ZFAND3: variants seen among roughly 807,000 people sequenced by gnomAD.
ZFAND3 encodes the protein zinc finger AN1-type containing 3.
ZFAND3 carries 10 observed loss-of-function variants against 29.6 expected under a neutral mutation model. The observed-to-expected ratio is 0.34, with a 90% confidence interval of 0.21 to 0.57. ZFAND3 has a LOEUF of 0.57. Among genes scored for constraint, ZFAND3 ranks in the 20% least tolerant of loss-of-function variants. The pLI is 0.86. For synonymous variants in ZFAND3, 128 were observed against 112.6 expected (o/e 1.14, Z -0.87); for missense variants, 230 against 304.5 (o/e 0.76, Z 1.82).
At chr6:37,974,978 A>G (rs763152593) in intron 2 of ZFAND3, among the ~76,000 whole-genome samples, 1 of 152,188 alleles carries the variant, frequency 6.6e-6, no homozygotes, top group African/African-American at 2.4e-5. Context: ...ATGGATGTAT[A>G]TTCCTTTGCT....
chr6:37,886,237 CAAAAAAAAAAAAAAAAAAAAAAAAAAAA>C (rs55661554), intron 1 of ZFAND3, among the ~76,000 whole-genome samples: 16 of 95,306 alleles, frequency 1.7e-4, no homozygotes, highest in Admixed American at 5.6e-4. Context: ...GACTCTGTCT[CAAAAAAAAAAAAAAAAAAAAAAAAAAAA>C]AAAAAAAAAA....
chr6:38,098,320 T>A (rs1286450143), intron 4 of ZFAND3, among the ~76,000 whole-genome samples: 1 of 152,172 alleles, frequency 6.6e-6, no homozygotes, highest in African/African-American at 2.4e-5. Flanking sequence ...CTAATTTTTG[T>A]ATTTTTAGTA....
At chr6:37,938,519 T>G (rs1372514436) in intron 2 of ZFAND3, among the ~76,000 whole-genome samples, 2 of 152,196 alleles carry the variant, frequency 1.3e-5, no homozygotes, top group Non-Finnish European at 2.9e-5. Flanking sequence ...TTTTCAGCAC[T>G]TGCTTGACTA....
intron 2 of ZFAND3, among the ~76,000 whole-genome samples, chr6:37,934,558 CCGGTGGCTCACGCCTGTAATCCCAGGACT>C (rs1761660750): frequency 6.7e-6 from 1 of 149,596 alleles, no homozygotes; most frequent in Non-Finnish European, 1.5e-5. Flanking sequence ...AAGTCCAGAC[CCGGTGGCTCACGCCTGTAATCCCAGGACT>C]TTGGGAGGCC....
chr6:38,110,544 G>A (rs1383860662), intron 4 of ZFAND3, among the ~76,000 whole-genome samples: 1 of 152,134 alleles, frequency 6.6e-6, no homozygotes, highest in African/African-American at 2.4e-5. Flanking sequence ...TTAAGTGGTC[G>A]AAGGAGAAAC....
intron 3 of ZFAND3, among the ~76,000 whole-genome samples, chr6:38,077,196 TAGG>T (rs1764571386): frequency 6.6e-6 from 1 of 151,324 alleles, no homozygotes; most frequent in African/African-American, 2.4e-5. Flanking sequence ...CAGGGAGGCT[TAGG>T]AGGAAAAAAA....
At chr6:38,124,999 A>G (rs1028358639) in intron 5 of ZFAND3, among the ~76,000 whole-genome samples, 4 of 152,220 alleles carry the variant, frequency 2.6e-5, no homozygotes, top group African/African-American at 7.2e-5. Flanking sequence ...ATTGGGATGT[A>G]TGTTACCTGT....
At chr6:38,032,543 A>G (rs1217948334) in intron 2 of ZFAND3, among the ~76,000 whole-genome samples, 1 of 152,256 alleles carries the variant, frequency 6.6e-6, no homozygotes, top group Non-Finnish European at 1.5e-5. Context: ...TAAAACTCTG[A>G]GCACCTACTT....
At chr6:38,092,509 A>G (rs1013139718) in intron 4 of ZFAND3, among the ~76,000 whole-genome samples, 2 of 152,216 alleles carry the variant, frequency 1.3e-5, no homozygotes, top group South Asian at 2.1e-4. Context: ...CTAATGTTGT[A>G]TTTTTCTTTT....
intron 1 of ZFAND3, among the ~76,000 whole-genome samples, chr6:37,861,378 G>T (rs897594874): frequency 6.6e-6 from 1 of 152,196 alleles, no homozygotes; most frequent in African/African-American, 2.4e-5. Flanking sequence ...GGACACTGAA[G>T]AAATGATGTG....
rs1762558259 is a variant in ZFAND3 at position 37,980,315 on chromosome 6, G to C, written c.112+50316G>C. On this transcript the variant is annotated intron_variant, in intron 2 of 5. Coordinates refer to ENST00000287218, the MANE Select transcript of ZFAND3 (RefSeq NM_021943.3). ...TGTTTTTAATGTACATTTTGTTTAA[G>C]GACCTTGTAGTAGCTGCTTTTGTGT... Among the ~76,000 whole-genome samples, 3 of 152,142 alleles carry C rather than the reference G, an allele frequency of 2.0e-5. 1 individual carries two copies. In the South Asian group the frequency reaches 6.2e-4, roughly 32 times the overall value.
At chr6:37,924,495 A>G (rs1761445796) in intron 1 of ZFAND3, among the ~76,000 whole-genome samples, 1 of 152,114 alleles carries the variant, frequency 6.6e-6, no homozygotes, top group Admixed American at 6.6e-5. Flanking sequence ...TGAGATATCA[A>G]AGAATGATGT....
chr6:38,131,997 A>G (rs1201635894), intron 5 of ZFAND3, among the ~76,000 whole-genome samples: 1 of 152,222 alleles, frequency 6.6e-6, no homozygotes, highest in African/African-American at 2.4e-5. Flanking sequence ...CTGAACGAAA[A>G]AGATCCAGAT....
At chr6:37,953,441 C>CTTTTTTT (rs35182018) in intron 2 of ZFAND3, among the ~76,000 whole-genome samples, 2 of 106,224 alleles carry the variant, frequency 1.9e-5, no homozygotes, top group East Asian at 2.4e-4. Flanking sequence ...GCATAATTAT[C>CTTTTTTT]TTTTTTTTTT....
At chr6:37,823,802 G>A (rs259720) in intron 1 of ZFAND3, among the ~76,000 whole-genome samples, 10 of 145,524 alleles carry the variant, frequency 6.9e-5, no homozygotes, top group Middle Eastern at 3.6e-3. Context: ...ATTTTTTTTT[G>A]GGGGGGGGTA....
intron 2 of ZFAND3, among the ~76,000 whole-genome samples, chr6:38,051,769 CCT>C (rs1474780201): frequency 6.6e-6 from 1 of 152,088 alleles, no homozygotes; most frequent in African/African-American, 2.4e-5. Context: ...AAAACTTCTC[CCT>C]GTGTTTTCAA....
chr6:38,106,566 C>T (rs1042455857), intron 4 of ZFAND3, among the ~76,000 whole-genome samples: 4 of 152,174 alleles, frequency 2.6e-5, no homozygotes, highest in Non-Finnish European at 5.9e-5. Flanking sequence ...CAGGAGATAC[C>T]TTGTCTGACT....
At chr6:38,026,810 A>T (rs34370874) in intron 2 of ZFAND3, among the ~76,000 whole-genome samples, 12,958 of 151,246 alleles carry the variant, frequency 0.086, 737 homozygotes, top group East Asian at 0.29. Flanking sequence ...AGAGAGAGAG[A>T]GTGTAATTTA....
intron 2 of ZFAND3, among the ~76,000 whole-genome samples, chr6:37,989,368 A>G (rs1391736324): frequency 1.3e-5 from 2 of 152,210 alleles, no homozygotes; most frequent in Non-Finnish European, 1.5e-5. Context: ...CCAAGATTAC[A>G]TGCTGGCTAT....
Sources: gnomAD v4.1 joint callset for allele counts (sites outside exome capture counted in the v4.1 genomes callset) on GRCh38, gnomAD v4.1.1 for gene constraint, MANE v1.5 for transcripts, NCBI Gene and HGNC (gene_info 2026-07-23, HGNC 2026-07-21) for gene names.